The following AGBL4 variants were observed in gnomAD, a reference collection of about 807,000 sequenced individuals.
The protein encoded by AGBL4 is cytosolic carboxypeptidase 6.
AGBL4 carries 58 observed loss-of-function variants against 66.4 expected under a neutral mutation model. The ratio of observed to expected loss-of-function variants is 0.87; its 90% CI spans 0.71 to 1.09. The LOEUF (loss-of-function observed/expected upper bound fraction) is 1.09. AGBL4 is among the 50% of genes least tolerant of loss of function. The probability of loss-of-function intolerance (pLI) is 0.00; values close to 1 mark genes in which losing one functional copy is unlikely to be tolerated. For synonymous variants in AGBL4, 234 were observed against 222.9 expected, an observed-to-expected ratio of 1.05 and a Z score of -0.44; for missense variants, 579 against 631.0, an observed-to-expected ratio of 0.92 and a Z score of 0.88.
At chr1:48,761,148 T>G in intron 6 of AGBL4, 1 of 595,576 alleles carries the variant, frequency 1.7e-6, no homozygotes, top group Non-Finnish European at 2.9e-6. Flanking sequence ...GAATCAGGGC[T>G]CTCTAGAAAG....
chr1:49,619,718 C>A (rs1645319956), intron 3 of AGBL4, among the ~76,000 whole-genome samples: 1 of 152,086 alleles, frequency 6.6e-6, no homozygotes. Flanking sequence ...TGACTTCAAA[C>A]TATATTAAAA....
intron 2 of AGBL4, chr1:49,842,074 C>A: frequency 2.8e-6 from 1 of 355,852 alleles, no homozygotes; most frequent in Non-Finnish European, 5.3e-6. Context: ...CATGCCTGCC[C>A]TCTACCTGCA....
At chr1:49,196,978 T>A (rs1647287017) in intron 4 of AGBL4, among the ~76,000 whole-genome samples, 1 of 151,974 alleles carries the variant, frequency 6.6e-6, no homozygotes, top group African/African-American at 2.4e-5. Flanking sequence ...CAAGCACACG[T>A]CACCATGCCC....
chr1:49,700,435 T>G (rs1321937271), intron 2 of AGBL4, among the ~76,000 whole-genome samples: 1 of 151,958 alleles, frequency 6.6e-6, no homozygotes, highest in Non-Finnish European at 1.5e-5. Context: ...CACACCAATA[T>G]CCCTTACTGT....
chr1:49,553,865 A>T (rs746571077), intron 3 of AGBL4, among the ~76,000 whole-genome samples: 7 of 152,204 alleles, frequency 4.6e-5, no homozygotes, highest in Non-Finnish European at 8.8e-5. Flanking sequence ...TTGGCTGAGC[A>T]TGGTGGGTCA....
At chr1:49,063,828 G>A (rs1644445158) in intron 4 of AGBL4, among the ~76,000 whole-genome samples, 1 of 152,238 alleles carries the variant, frequency 6.6e-6, no homozygotes, top group African/African-American at 2.4e-5. Context: ...GGAATAGCAA[G>A]TGCCATTGAT....
chr1:48,581,750 A>G (rs1252473156), intron 11 of AGBL4, among the ~76,000 whole-genome samples: 1 of 152,240 alleles, frequency 6.6e-6, no homozygotes, highest in African/African-American at 2.4e-5. Flanking sequence ...ATCTGCATGC[A>G]TTCTCCCATG....
intron 2 of AGBL4, among the ~76,000 whole-genome samples, chr1:49,781,170 G>A (rs1007411007): frequency 2.0e-5 from 3 of 152,094 alleles, no homozygotes; most frequent in African/African-American, 7.2e-5. Flanking sequence ...CGGGAGGACT[G>A]ATTGAGGCCA....
intron 6 of AGBL4, among the ~76,000 whole-genome samples, chr1:48,757,890 G>A (rs1433938236): frequency 1.3e-5 from 2 of 152,236 alleles, no homozygotes; most frequent in African/African-American, 4.8e-5. Context: ...TGTCTTCAGG[G>A]GCTATGGAGG....
At chr1:48,649,751 T>C (rs143825599) in intron 8 of AGBL4, among the ~76,000 whole-genome samples, 2 of 152,268 alleles carry the variant, frequency 1.3e-5, no homozygotes, top group East Asian at 3.9e-4. Context: ...CTTCCTAGAT[T>C]GGATTATATG....
intron 6 of AGBL4, among the ~76,000 whole-genome samples, chr1:48,824,470 T>G (rs1389063498): frequency 1.3e-5 from 2 of 151,258 alleles, no homozygotes; most frequent in Non-Finnish European, 2.9e-5. Context: ...GGGTGAGGGG[T>G]GGTAGAGGAG....
chr1:48,536,609 G>A (rs554148495), intron 12 of AGBL4, among the ~76,000 whole-genome samples: 1 of 152,276 alleles, frequency 6.6e-6, no homozygotes, highest in Non-Finnish European at 1.5e-5. Flanking sequence ...CACGTAGTGG[G>A]CTCCAGTGTG....
At chr1:48,918,831 T>C (rs776334997) in intron 5 of AGBL4, among the ~76,000 whole-genome samples, 2 of 152,332 alleles carry the variant, frequency 1.3e-5, no homozygotes, top group African/African-American at 2.4e-5. Flanking sequence ...ACCAATTTCA[T>C]AGTGACTCAT....
At chr1:49,042,519 T>A (rs1251497612) in intron 5 of AGBL4, among the ~76,000 whole-genome samples, 2 of 152,188 alleles carry the variant, frequency 1.3e-5, no homozygotes, top group African/African-American at 2.4e-5. Flanking sequence ...GGATGAGTTC[T>A]AGTAAATGAC....
At chr1:49,320,737 G>A (rs1210723087) in intron 3 of AGBL4, among the ~76,000 whole-genome samples, 4 of 152,130 alleles carry the variant, frequency 2.6e-5, no homozygotes, top group Admixed American at 2.0e-4. Flanking sequence ...GCCTTAAGAT[G>A]TGTATTAGTC....
At chr1:49,864,745 C>T (rs1646659706) in intron 1 of AGBL4, among the ~76,000 whole-genome samples, 1 of 152,184 alleles carries the variant, frequency 6.6e-6, no homozygotes, top group African/African-American at 2.4e-5. Context: ...GGCAGTAGTT[C>T]AGCTGGAGAC....
intron 3 of AGBL4, among the ~76,000 whole-genome samples, chr1:49,597,834 C>A (rs368900203): frequency 6.6e-6 from 1 of 152,128 alleles, no homozygotes; most frequent in Non-Finnish European, 1.5e-5. Flanking sequence ...TATTGGTGTA[C>A]AGGAATGCTT....
intron 3 of AGBL4, among the ~76,000 whole-genome samples, chr1:49,324,097 C>T (rs949200013): frequency 6.6e-6 from 1 of 152,208 alleles, no homozygotes; most frequent in African/African-American, 2.4e-5. Flanking sequence ...TTCAGTGCTT[C>T]TTATCCTGAA....
chr1:49,514,587 G>A lies in AGBL4; in HGVS notation c.282+182726C>T, dbSNP rs377485252. Among the ~76,000 whole-genome samples the A allele has an allele frequency of 5.9e-5, 9 of 151,784 alleles. No individual in the cohort carries two copies. The East Asian group carries it at 1.4e-3, about 23-fold the overall frequency. On this transcript the variant is annotated intron_variant, in intron 3 of 13. Transcript: ENST00000371839. ...AGAGCCTGCATCACCAAGTCAATCC[G>A]AAGCCAAAAGAACAAAGCTGGAGGC... is the stretch of plus-strand genomic sequence containing the variant.
Sources: allele counts gnomAD v4.1 joint callset (sites outside exome capture counted in the v4.1 genomes callset), GRCh38; gene constraint gnomAD v4.1.1; transcripts MANE v1.5; gene names NCBI Gene and HGNC (gene_info 2026-07-23, HGNC 2026-07-21).